NSG2: variants seen among roughly 807,000 people sequenced by gnomAD.
NSG2 encodes neuronal vesicle trafficking associated 2, also known as neuronal vesicle trafficking-associated protein 2.
Under a neutral mutation model 16.9 loss-of-function variants are expected in NSG2, and 4 were observed. The ratio of observed to expected loss-of-function variants is 0.24; its 90% CI spans 0.12 to 0.54. The LOEUF is 0.54. Ranked by LOEUF, NSG2 falls within the 20% of genes least tolerant of loss-of-function variation. The pLI is 0.95. For synonymous variants in NSG2, 98 were observed against 88.7 expected, an observed-to-expected ratio of 1.11 and a Z score of -0.59; for missense variants, 179 against 221.1, an observed-to-expected ratio of 0.81 and a Z score of 1.21.
At chr5:174,100,911 C>G (rs1188569919) in intron 3 of NSG2, among the ~76,000 whole-genome samples, 1 of 152,200 alleles carries the variant, frequency 6.6e-6, no homozygotes. Context: ...TTGCCCAGCT[C>G]CTGAGTCTCT....
At position 174,108,329 on chromosome 5, in the gene NSG2, A is replaced by AGAGG. The variant is rs1761017543; in HGVS notation, c.*831_*834dup. 1 of 155,580 alleles carries AGAGG rather than the reference A, an allele frequency of 6.4e-6. No individual in the cohort carries two copies. Among genetic ancestry groups the AGAGG allele is most frequent in the Non-Finnish European group, 1.4e-5 (1 of 70,214 alleles). 9.6% of individuals were successfully genotyped at this position (155,580 alleles called of 1,614,324 possible). A position where few individuals can be genotyped will look rare whatever the true frequency, so the allele number is the denominator to read the frequency against. ...ATGTTGACGAGACAGCAGCAGGGGG[A>AGAGG]GAGGGAGGGAAGGAAGGTGCGGCTG... is the stretch of plus-strand genomic sequence containing the variant. On this transcript the variant is annotated 3_prime_UTR_variant, in exon 5 of 5. Transcript: ENST00000303177.
chr5:174,106,760 A>AT (rs1760988879), intron 4 of NSG2, among the ~76,000 whole-genome samples: 1 of 151,544 alleles, frequency 6.6e-6, no homozygotes, highest in African/African-American at 2.4e-5. Flanking sequence ...ATGCCCAGCT[A>AT]TTTTTTGTAT....
chr5:174,085,831 T>C (rs530835716), intron 3 of NSG2, among the ~76,000 whole-genome samples: 79 of 152,344 alleles, frequency 5.2e-4, no homozygotes, highest in South Asian at 1.0e-3. Context: ...CCACCTGACC[T>C]GGCTGTGCGA....
chr5:174,061,375 G>A (rs1760048799), intron 2 of NSG2, among the ~76,000 whole-genome samples: 1 of 152,194 alleles, frequency 6.6e-6, no homozygotes, highest in East Asian at 1.9e-4. Context: ...TCTTTCATTT[G>A]GTCCATCCCA....
chr5:174,107,888 G>T lies in NSG2; in HGVS notation c.*383G>T. ...CTGGCTCCATCAGAAGACGTTGAAGGGCAGTGAAGAGCACAGACTCTGTGG... is the reference window on the plus strand; with the variant it reads ...CTGGCTCCATCAGAAGACGTTGAAGTGCAGTGAAGAGCACAGACTCTGTGG... On this transcript the variant is annotated 3_prime_UTR_variant, in exon 5 of 5. Coordinates refer to ENST00000303177, the MANE Select transcript of NSG2 (RefSeq NM_015980.5). The surrounding 1 kb of genome is among the most constrained non-coding windows in gnomAD (Gnocchi z 4.5). The T allele has an allele frequency of 2.6e-6, 1 of 389,988 alleles. No homozygotes were observed. Among genetic ancestry groups the T allele is most frequent in the South Asian group, 2.0e-5 (1 of 50,544 alleles). 24.2% of individuals were successfully genotyped at this position (389,988 alleles called of 1,614,324 possible). A position where few individuals can be genotyped will look rare whatever the true frequency, so the allele number is the denominator to read the frequency against.
chr5:174,076,252 T>C (rs946699353), intron 3 of NSG2, among the ~76,000 whole-genome samples: 1 of 152,184 alleles, frequency 6.6e-6, no homozygotes, highest in African/African-American at 2.4e-5. Flanking sequence ...ACGGGACACA[T>C]TCCCCTTAAC....
At chr5:174,049,716 C>T (rs1759859149) in intron 2 of NSG2, among the ~76,000 whole-genome samples, 1 of 152,216 alleles carries the variant, frequency 6.6e-6, no homozygotes. Context: ...GGCTCAACCT[C>T]AGCCACTGAC....
chr5:174,050,733 G>T (rs546771637), intron 2 of NSG2, among the ~76,000 whole-genome samples: 34 of 152,192 alleles, frequency 2.2e-4, no homozygotes, highest in Middle Eastern at 3.4e-3. Context: ...GACCTGGACT[G>T]GTCCCCCAGA....
chr5:174,064,253 G>C lies in NSG2; in HGVS notation c.151G>C (p.Glu51Gln), dbSNP rs1346960255. 6.2e-7 allele frequency: 1 copy of C among 1,611,014 alleles called. No homozygotes were observed. The highest frequency in any genetic ancestry group is 2.2e-5 in the East Asian group (1 of 44,874). ...TCAGGTGATTGTGAAGACAAGAACG[G>C]AATATCAGCCGGAACAGAAGAACAA... Reference protein sequence around the residue: ...PEKVIVKTRTEYQPEQKNKGK... With the variant: ...PEKVIVKTRTQYQPEQKNKGK... The change falls in exon 3 of 5, where the codon GAA becomes CAA. Residue 51 changes from glutamate (E) to glutamine (Q), a missense_variant. By Grantham distance (29) the Glu-to-Gln change is conservative (BLOSUM62 2). Transcript: ENST00000303177.
At chr5:174,070,841 G>C (rs924403422) in intron 3 of NSG2, among the ~76,000 whole-genome samples, 2 of 152,174 alleles carry the variant, frequency 1.3e-5, no homozygotes, top group Non-Finnish European at 2.9e-5. Context: ...CTGGAGGGCA[G>C]GGAGGTGTCT....
At chr5:174,090,448 A>G (rs1008400860) in intron 3 of NSG2, among the ~76,000 whole-genome samples, 2 of 152,188 alleles carry the variant, frequency 1.3e-5, no homozygotes, top group Non-Finnish European at 2.9e-5. Context: ...GCACCCACCC[A>G]AGTTTCAGAC....
chr5:174,076,659 T>C (rs888409401), intron 3 of NSG2, among the ~76,000 whole-genome samples: 2 of 152,184 alleles, frequency 1.3e-5, no homozygotes, highest in Non-Finnish European at 2.9e-5. Flanking sequence ...AATGAGGTAG[T>C]TGGGTGAGTT....
intron 2 of NSG2, among the ~76,000 whole-genome samples, chr5:174,061,848 C>T (rs1315028484): frequency 1.3e-5 from 2 of 151,846 alleles, no homozygotes; most frequent in African/African-American, 4.8e-5. Flanking sequence ...CATGATCCAC[C>T]CGCCTCAGCC....
chr5:174,064,348 A>T (rs1285860213), intron 3 of NSG2, 33 bp downstream of exon 3: 1 of 1,536,946 alleles, frequency 6.5e-7, no homozygotes, highest in South Asian at 1.2e-5. Context: ...AGAAAGAGTA[A>T]AGGAGAGGCT....
chr5:174,052,914 T>C lies in NSG2; in HGVS notation c.129+6030T>C, dbSNP rs554371525. 1.3e-4 allele frequency among the ~76,000 whole-genome samples: 20 copies of C among 152,340 alleles called. No individual in the cohort carries two copies. In the South Asian group the frequency reaches 3.9e-3, roughly 30 times the overall value. The stretch of plus-strand genomic sequence containing the variant: ...AATCGGCAAGTCTGCTGCTGCGCTC[T>C]GGGCAAACGCTTCTTTTCTTTCTAT... On this transcript the variant is annotated intron_variant, in intron 2 of 4. Coordinates refer to ENST00000303177, the MANE Select transcript of NSG2 (RefSeq NM_015980.5).
chr5:174,071,516 A>G (rs1405147175), intron 3 of NSG2, among the ~76,000 whole-genome samples: 2 of 152,230 alleles, frequency 1.3e-5, no homozygotes, highest in Non-Finnish European at 2.9e-5. Flanking sequence ...AACCAGTGTC[A>G]GTGGGCTATT....
intron 3 of NSG2, among the ~76,000 whole-genome samples, chr5:174,065,067 G>T (rs1760117247): frequency 6.6e-6 from 1 of 152,048 alleles, no homozygotes; most frequent in Admixed American, 6.5e-5. Flanking sequence ...GGCGGCTCAC[G>T]CCTGTAATCC....
At chr5:174,069,298 A>G (rs1760196671) in intron 3 of NSG2, among the ~76,000 whole-genome samples, 1 of 152,146 alleles carries the variant, frequency 6.6e-6, no homozygotes, top group Admixed American at 6.5e-5. Context: ...TGAGGAGGGT[A>G]CTGAGGCTCT....
rs570982514 is a variant in NSG2, at chr5:174,047,002, C to T, written c.129+118C>T. 9.8e-5 allele frequency: 98 copies of T among 1,003,128 alleles called. No homozygotes were observed. In the African/African-American group the frequency reaches 1.6e-3, roughly 16 times the overall value. 62.1% of individuals were successfully genotyped at this position (1,003,128 alleles called of 1,614,324 possible). A position where few individuals can be genotyped will look rare whatever the true frequency, so the allele number is the denominator to read the frequency against. On this transcript the variant is annotated intron_variant, in intron 2 of 4. Coordinates refer to ENST00000303177, the MANE Select transcript of NSG2 (RefSeq NM_015980.5). Reference sequence around the variant, plus strand: ...TTCTCTTATCTGCCAAATGTGCTCCCTTTCTTGTAAAATGTAGTTATTCCT... The same window carrying T: ...TTCTCTTATCTGCCAAATGTGCTCCTTTTCTTGTAAAATGTAGTTATTCCT...
Sources: allele counts gnomAD v4.1 joint callset (sites outside exome capture counted in the v4.1 genomes callset), GRCh38; gene constraint gnomAD v4.1.1; non-coding constraint Gnocchi (gnomAD v3.1); transcripts MANE v1.5; gene names NCBI Gene and HGNC (gene_info 2026-07-23, HGNC 2026-07-21).